Variants in KIF2C observed in about 807,000 individuals in gnomAD.
KIF2C encodes kinesin family member 2C.
Under a neutral mutation model 97.4 loss-of-function variants are expected in KIF2C, and 34 were observed. That is an observed-to-expected ratio of 0.35 (90% confidence interval 0.27 to 0.46). KIF2C has a LOEUF of 0.46. Ranked by LOEUF, KIF2C falls within the 20% of genes least tolerant of loss-of-function variation. KIF2C has a pLI of 1.00. For synonymous variants in KIF2C, 313 were observed against 318.2 expected (o/e 0.98, Z 0.17); for missense variants, 750 against 907.6 (o/e 0.83, Z 2.23).
chr1:44,755,097 T>C (rs1437985864), intron 8 of KIF2C, among the ~76,000 whole-genome samples: 2 of 151,458 alleles, frequency 1.3e-5, no homozygotes, highest in Admixed American at 6.6e-5. Flanking sequence ...GCTGGGACCA[T>C]AGATGCATTC....
At position 44,740,001 on chromosome 1, in the gene KIF2C, T is replaced by C; in HGVS notation, c.69T>C (p.Asn23=). The C allele has an allele frequency of 1.2e-6, 2 of 1,614,168 alleles. No homozygotes were observed. The highest frequency in any genetic ancestry group is 1.7e-6 in the Non-Finnish European group (2 of 1,180,024). The part of the protein sequence containing the change: ...PGLAIKIQRS[N]GLIHSANVRT... ...TCGCTATCAAGATCCAACGCAGTAA[T>C]GGTGAGGAGCGGGGTCCCTAGGTCA... is the stretch of plus-strand genomic sequence containing the variant. The change falls in exon 1 of 21, where the codon AAT becomes AAC. Residue 23 remains asparagine (N), a splice_region_variant and synonymous_variant. Coordinates refer to ENST00000372224, the MANE Select transcript of KIF2C (RefSeq NM_006845.4).
intron 20 of KIF2C, 26 bp from the exon 21 acceptor site, chr1:44,767,071 A>C: frequency 1.2e-6 from 2 of 1,613,122 alleles, no homozygotes; most frequent in Non-Finnish European, 1.7e-6. Context: ...CACTAACCCC[A>C]TATGTACCGC....
chr1:44,756,275 T>C (rs1649826718), intron 10 of KIF2C, 38 bp downstream of exon 10: 1 of 1,598,670 alleles, frequency 6.3e-7, no homozygotes, highest in East Asian at 2.2e-5. Context: ...CCTTGTGCCC[T>C]TCCATCCCCT....
intron 2 of KIF2C, among the ~76,000 whole-genome samples, chr1:44,741,996 C>CAAAA (rs397980058): frequency 0.016 from 1,099 of 67,476 alleles, 71 homozygotes; most frequent in African/African-American, 0.057. Context: ...GGACTTGTCT[C>CAAAA]AAAAAAAAAA....
intron 17 of KIF2C, 167 bp from the exon 18 acceptor site, chr1:44,762,179 G>C (rs41269067): frequency 0.013 from 10,957 of 848,942 alleles, 135 homozygotes; most frequent in Non-Finnish European, 0.015. Flanking sequence ...AGTCAGCTGG[G>C]TGAGGGGCTT....
intron 2 of KIF2C, chr1:44,746,475 T>C: frequency 5.7e-6 from 7 of 1,235,334 alleles, no homozygotes; most frequent in Non-Finnish European, 7.1e-6. Flanking sequence ...AGGTAGCAGC[T>C]GTCAGGAACT....
At chr1:44,753,659 A>C in intron 6 of KIF2C, 74 bp from the exon 7 acceptor site, 1 of 1,001,328 alleles carries the variant, frequency 1.0e-6, no homozygotes, top group Non-Finnish European at 1.5e-6. Context: ...AAATAGCCAG[A>C]GAAGAGTAGG....
At chr1:44,762,080 T>C (rs1650173295) in intron 17 of KIF2C, 97 bp downstream of exon 17, 2 of 1,091,348 alleles carry the variant, frequency 1.8e-6, no homozygotes, top group Non-Finnish European at 2.8e-6. Flanking sequence ...CAGGGCCTAC[T>C]GTATACTCCT....
In KIF2C at chr1:44,762,363, C is replaced by T; in HGVS notation, c.1769C>T (p.Pro590Leu). 6.2e-7 allele frequency: 1 copy of T among 1,613,920 alleles called. No individual in the cohort carries two copies. Among genetic ancestry groups the T allele is most frequent in the Non-Finnish European group, 8.5e-7 (1 of 1,179,870 alleles). The change falls in exon 18 of 21, where the codon CCC becomes CTC. Residue 590 changes from proline to leucine, a missense_variant. Physicochemically the swap from Pro to Leu is moderately conservative, Grantham distance 98. Transcript: ENST00000372224. Reference protein sequence around the residue: ...RYADRVKELSPHSGPSGEQLI... With the variant: ...RYADRVKELSLHSGPSGEQLI... ...TTCCTCAGGGTCAAGGAGCTGAGCC[C>T]CCACAGTGGGCCCAGTGGAGAGCAG...
chr1:44,753,735 C>G lies in KIF2C; in HGVS notation c.565C>G (p.Arg189Gly), dbSNP rs139949660. The G allele has an allele frequency of 3.2e-6, 5 of 1,577,600 alleles. No individual in the cohort carries two copies. Among genetic ancestry groups the G allele is most frequent in the Non-Finnish European group, 3.5e-6 (4 of 1,159,382 alleles). Residue 189 changes from arginine (R) to glycine (G), a missense_variant and splice_region_variant, in exon 7 of 21, where the codon CGG (arginine) becomes GGG (glycine). Physicochemically the swap from Arg to Gly is moderately radical, Grantham distance 125. Transcript: ENST00000372224. Reference protein sequence around the residue: ...SSSANPVNSVRRKSCLVKEVE... With the variant: ...SSSANPVNSVGRKSCLVKEVE... ...CTTTTTTTTTTATGTTTTCATAGTT[C>G]GGAGGAAATCATGTCTTGTGAAGGA...
chr1:44,763,048 G>C (rs1363451973), intron 19 of KIF2C, among the ~76,000 whole-genome samples: 2 of 152,214 alleles, frequency 1.3e-5, no homozygotes, highest in Non-Finnish European at 2.9e-5. Flanking sequence ...TATGACTTGA[G>C]ATCAATCCTG....
intron 16 of KIF2C, among the ~76,000 whole-genome samples, chr1:44,761,314 T>C (rs1401797684): frequency 1.3e-5 from 2 of 152,138 alleles, no homozygotes; most frequent in East Asian, 3.9e-4. Flanking sequence ...AGCTTTAAGA[T>C]AGGACCTTGG....
At position 44,755,971 on chromosome 1, in the gene KIF2C, C is replaced by G; in HGVS notation, c.802C>G (p.Leu268Val). 1.2e-6 allele frequency: 2 copies of G among 1,614,214 alleles called. No homozygotes were observed. The highest frequency in any genetic ancestry group is 1.7e-6 in the Non-Finnish European group (2 of 1,180,038). ...ATGTGTCTGTGTTAGGAAACGCCCA[C>G]TGAATAAGCAAGGTAAGTCCTGTTC... ...RICVCVRKRPLNKQELAKKEI... is the reference protein window; with the variant it reads ...RICVCVRKRPVNKQELAKKEI... The change falls in exon 9 of 21, where the codon CTG (leucine) becomes GTG (valine). Residue 268 changes from leucine (L) to valine (V), a missense_variant. Physicochemically the swap from Leu to Val is conservative, Grantham distance 32. Transcript: ENST00000372224.
Position 44,740,918 on chromosome 1 carries a change from A to G in KIF2C, c.76A>G (p.Ile26Val), listed in dbSNP as rs1268738564. 6.2e-7 allele frequency: 1 copy of G among 1,610,816 alleles called. No individual in the cohort carries two copies. The highest frequency in any genetic ancestry group is 1.3e-5 in the African/African-American group (1 of 74,898). ...AIKIQRSNGL[I>V]HSANVRTVNL... The stretch of plus-strand genomic sequence containing the variant: ...GGTTTTTTCATACTTTATAGGTTTA[A>G]TTCACAGTGCCAATGTAAGGACTGT... Residue 26 changes from isoleucine (I) to valine (V), a missense_variant, in exon 2 of 21, where the codon ATT becomes GTT. By Grantham distance (29) the Ile-to-Val change is conservative. Transcript: ENST00000372224.
intron 4 of KIF2C, among the ~76,000 whole-genome samples, chr1:44,749,259 C>T (rs1649380579): frequency 6.6e-6 from 1 of 151,922 alleles, no homozygotes; most frequent in Non-Finnish European, 1.5e-5. Context: ...ATGGTGAAAC[C>T]CCTGTCTCTA....
chr1:44,756,634 C>A (rs1407609882), intron 10 of KIF2C, among the ~76,000 whole-genome samples: 1 of 149,330 alleles, frequency 6.7e-6, no homozygotes, highest in African/African-American at 2.5e-5. Flanking sequence ...CTCACTGCAA[C>A]CTCCGCCTCC....
Position 44,760,710 on chromosome 1 carries a change from G to C in KIF2C, c.1683+8G>C. 6.2e-7 allele frequency: 1 copy of C among 1,603,924 alleles called. No individual in the cohort carries two copies. Among genetic ancestry groups the C allele is most frequent in the South Asian group, 1.1e-5 (1 of 90,810 alleles). On this transcript the variant is annotated splice_region_variant and intron_variant, in intron 16 of 20. Transcript: ENST00000372224. This position sits in a 1 kb window ranked among gnomAD's most constrained non-coding sequence, Gnocchi z 4.2. ...AACTCTAGGACTTGCATGGTGAGTAGGGTCACTTTGAAGGTGATGGTACAG... is the reference window on the plus strand; with the variant it reads ...AACTCTAGGACTTGCATGGTGAGTACGGTCACTTTGAAGGTGATGGTACAG...
Position 44,760,246 on chromosome 1 carries a change from G to A in KIF2C, c.1368-34G>A. The A allele has an allele frequency of 6.2e-7, 1 of 1,601,782 alleles. No homozygotes were observed. Among genetic ancestry groups the A allele is most frequent in the East Asian group, 2.2e-5 (1 of 44,756 alleles). ...GGACTTGGGTGCCATGGGGGCTGGTGACCACAGAATCTCATAACCTTTCTT... is the reference window on the plus strand; with the variant it reads ...GGACTTGGGTGCCATGGGGGCTGGTAACCACAGAATCTCATAACCTTTCTT... On this transcript the variant is annotated intron_variant, in intron 14 of 20. Transcript: ENST00000372224. The surrounding 1 kb of genome is among the most constrained non-coding windows in gnomAD (Gnocchi z 4.2).
chr1:44,742,345 G>A (rs1373444329), intron 2 of KIF2C, among the ~76,000 whole-genome samples: 2 of 151,806 alleles, frequency 1.3e-5, no homozygotes, highest in African/African-American at 4.8e-5. Context: ...TCCTGACCTC[G>A]TGATCCGCCT....
Sources: allele counts gnomAD v4.1 joint callset (sites outside exome capture counted in the v4.1 genomes callset), GRCh38; gene constraint gnomAD v4.1.1; non-coding constraint Gnocchi (gnomAD v3.1); transcripts MANE v1.5; gene names NCBI Gene and HGNC (gene_info 2026-07-23, HGNC 2026-07-21).